The following SDK1 variants were observed in gnomAD, a reference collection of about 807,000 sequenced individuals.
The protein encoded by SDK1 is sidekick cell adhesion molecule 1, also known as protein sidekick-1.
In SDK1, 157 loss-of-function variants were observed where a neutral mutation model predicts 245.5. The ratio of observed to expected loss-of-function variants is 0.64; its 90% CI spans 0.56 to 0.73. SDK1 has a LOEUF of 0.73. Among genes scored for constraint, SDK1 ranks in the 30% least tolerant of loss-of-function variants. The pLI is 0.00. For missense variants in SDK1, 3,583 were observed against 3,002.3 expected (o/e 1.19, Z -4.52); for synonymous variants, 1,647 against 1,278.5 (o/e 1.29, Z -6.15).
intron 13 of SDK1, among the ~76,000 whole-genome samples, chr7:3,980,820 T>TA (rs1783342399): frequency 6.6e-6 from 1 of 151,972 alleles, no homozygotes; most frequent in Non-Finnish European, 1.5e-5. Flanking sequence ...TGGGCACCTG[T>TA]AATCCCAGCT....
chr7:4,257,867 G>A (rs1470595695), intron 44 of SDK1, among the ~76,000 whole-genome samples: 1 of 150,564 alleles, frequency 6.6e-6, no homozygotes, highest in Non-Finnish European at 1.5e-5. Flanking sequence ...ACTCTGATTG[G>A]CTGAGCTGAA....
intron 1 of SDK1, among the ~76,000 whole-genome samples, chr7:3,431,359 T>G (rs76725716): frequency 1.8e-5 from 1 of 54,638 alleles, no homozygotes; most frequent in East Asian, 3.4e-4. Context: ...ATGTGGGAGG[T>G]TTTTTTTTTT....
At chr7:3,950,844 G>GA in intron 5 of SDK1, 79 bp from the exon 6 acceptor site, 1 of 1,108,714 alleles carries the variant, frequency 9.0e-7, no homozygotes, top group South Asian at 1.3e-5. Context: ...GGGGGTCTTG[G>GA]AACGTGTCCC....
chr7:3,940,455 CAAT>C (rs1163406297), intron 5 of SDK1, among the ~76,000 whole-genome samples: 3 of 152,196 alleles, frequency 2.0e-5, no homozygotes, highest in African/African-American at 4.8e-5. Context: ...TGGAAAAAGA[CAAT>C]AGCTTCCCGT....
At chr7:3,552,098 G>C (rs1243450908) in intron 1 of SDK1, among the ~76,000 whole-genome samples, 1 of 151,826 alleles carries the variant, frequency 6.6e-6, no homozygotes, top group African/African-American at 2.4e-5. Context: ...GAGTGCGGTG[G>C]CGCAATCTTG....
At chr7:3,436,854 A>G (rs1011491470) in intron 1 of SDK1, among the ~76,000 whole-genome samples, 4 of 152,030 alleles carry the variant, frequency 2.6e-5, no homozygotes, top group African/African-American at 9.7e-5. Context: ...AAACTCGTCT[A>G]CCCTCCCCAA....
chr7:3,448,978 C>A (rs1163325323), intron 1 of SDK1, among the ~76,000 whole-genome samples: 1 of 152,034 alleles, frequency 6.6e-6, no homozygotes, highest in African/African-American at 2.4e-5. Flanking sequence ...AATTTTAAGA[C>A]CCTGGGGAAA....
intron 31 of SDK1, among the ~76,000 whole-genome samples, chr7:4,160,575 G>C (rs1781049799): frequency 6.6e-6 from 1 of 152,196 alleles, no homozygotes; most frequent in Admixed American, 6.5e-5. Context: ...CCAGGGGTTG[G>C]GGAACCCTCG....
intron 1 of SDK1, among the ~76,000 whole-genome samples, chr7:3,442,220 T>A (rs1780216050): frequency 6.6e-6 from 1 of 152,228 alleles, no homozygotes; most frequent in Admixed American, 6.5e-5. Flanking sequence ...CATATGTACT[T>A]AGATAGCCAT....
At chr7:3,882,616 G>A (rs552427307) in intron 5 of SDK1, among the ~76,000 whole-genome samples, 1 of 152,292 alleles carries the variant, frequency 6.6e-6, no homozygotes, top group Admixed American at 6.5e-5. Flanking sequence ...TGTACATGGA[G>A]CCAGTGTAGA....
intron 4 of SDK1, among the ~76,000 whole-genome samples, chr7:3,804,078 A>G (rs1190656464): frequency 6.6e-6 from 1 of 152,116 alleles, no homozygotes; most frequent in Non-Finnish European, 1.5e-5. Context: ...TTTCCTCTTA[A>G]TAGAGTCTTT....
intron 4 of SDK1, among the ~76,000 whole-genome samples, chr7:3,660,621 TAGAA>T (rs1381055043): frequency 6.6e-6 from 1 of 152,156 alleles, no homozygotes; most frequent in Non-Finnish European, 1.5e-5. Flanking sequence ...AACCATAAAT[TAGAA>T]AGCCTTCTGG....
intron 1 of SDK1, among the ~76,000 whole-genome samples, chr7:3,320,693 C>T (rs547278209): frequency 3.1e-4 from 47 of 152,178 alleles, no homozygotes; most frequent in Middle Eastern, 3.4e-3. Flanking sequence ...AGAATAAGTC[C>T]TGCTTGACAC....
chr7:3,574,017 G>A (rs1052189884), intron 1 of SDK1, among the ~76,000 whole-genome samples: 1 of 152,154 alleles, frequency 6.6e-6, no homozygotes, highest in Non-Finnish European at 1.5e-5. Flanking sequence ...TTTTCACTTC[G>A]GTTCTGCAGA....
chr7:3,966,054 C>CT (rs960355150), intron 9 of SDK1, among the ~76,000 whole-genome samples: 2 of 151,922 alleles, frequency 1.3e-5, no homozygotes, highest in Non-Finnish European at 2.9e-5. Context: ...AGAGAAGGGA[C>CT]ATGAAAGCCT....
intron 1 of SDK1, among the ~76,000 whole-genome samples, chr7:3,535,252 G>A (rs1234024945): frequency 1.3e-5 from 2 of 152,146 alleles, no homozygotes; most frequent in Non-Finnish European, 2.9e-5. Flanking sequence ...CTCCAAGAGT[G>A]AGACTTTGTC....
At chr7:4,195,244 A>G (rs1783508227) in intron 35 of SDK1, among the ~76,000 whole-genome samples, 1 of 152,140 alleles carries the variant, frequency 6.6e-6, no homozygotes. Context: ...GCAACTCTGA[A>G]ATGGTGCACC....
chr7:3,629,703 T>A (rs1316212773), intron 2 of SDK1, among the ~76,000 whole-genome samples: 1 of 152,190 alleles, frequency 6.6e-6, no homozygotes, highest in Non-Finnish European at 1.5e-5. Context: ...AGAACAAAGT[T>A]AATGAATATT....
intron 5 of SDK1, among the ~76,000 whole-genome samples, chr7:3,855,442 T>G (rs559099385): frequency 2.6e-5 from 4 of 152,292 alleles, no homozygotes; most frequent in African/African-American, 9.6e-5. Context: ...AACCTGTAAA[T>G]TAAACATTGA....
Sources: gnomAD v4.1 joint callset for allele counts (sites outside exome capture counted in the v4.1 genomes callset) on GRCh38, gnomAD v4.1.1 for gene constraint, MANE v1.5 for transcripts, NCBI Gene and HGNC (gene_info 2026-07-23, HGNC 2026-07-21) for gene names.